TAOK3: variants seen among roughly 807,000 people sequenced by gnomAD.
TAOK3 encodes serine/threonine-protein kinase TAO3.
In TAOK3, 40 loss-of-function variants were observed where a neutral mutation model predicts 120.4. That is an observed-to-expected ratio of 0.33 (90% CI 0.26 to 0.43). The LOEUF (loss-of-function observed/expected upper bound fraction) is 0.43, where lower values mean the gene tolerates loss of function less well. TAOK3 is among the 20% of genes least tolerant of loss of function. The probability of loss-of-function intolerance (pLI) is 1.00; values close to 1 mark genes in which losing one functional copy is unlikely to be tolerated. For missense variants in TAOK3, 821 were observed against 1,112.1 expected, an observed-to-expected ratio of 0.74 and a Z score of 3.72; for synonymous variants, 355 against 387.5, an observed-to-expected ratio of 0.92 and a Z score of 0.99.
At chr12:118,241,547 A>G (rs1002554104) in intron 5 of TAOK3, among the ~76,000 whole-genome samples, 1 of 152,174 alleles carries the variant, frequency 6.6e-6, no homozygotes, top group Non-Finnish European at 1.5e-5. Flanking sequence ...TTTGTCACAA[A>G]TATTTTTTCC....
chr12:118,181,706 C>T (rs1030348490), intron 14 of TAOK3, 99 bp from the exon 15 acceptor site: 5 of 972,690 alleles, frequency 5.1e-6, no homozygotes, highest in Admixed American at 3.7e-5. Flanking sequence ...TTATCCATCA[C>T]CTTCACCATC....
rs1199940088 is a variant in TAOK3 at position 118,231,705 on chromosome 12, T to C, written c.643+1969A>G. Among the ~76,000 whole-genome samples the C allele has an allele frequency of 3.9e-5, 6 of 152,034 alleles. No individual in the cohort carries two copies. In the East Asian group the frequency reaches 1.2e-3, roughly 29 times the overall value. ...TTGGGAGGCCGAGGCGGGTGGATCA[T>C]CTGAAGTCAGGAGTTCAAGACCAGC... On this transcript the variant is annotated intron_variant, in intron 9 of 20. Transcript: ENST00000392533.
At chr12:118,172,272 G>A (rs2036039314) in intron 17 of TAOK3, among the ~76,000 whole-genome samples, 185 bp downstream of exon 17, 1 of 152,110 alleles carries the variant, frequency 6.6e-6, no homozygotes, top group Non-Finnish European at 1.5e-5. Context: ...CTGTGAGTGG[G>A]CTTCCTCTTA....
intron 1 of TAOK3, among the ~76,000 whole-genome samples, chr12:118,349,199 C>A (rs1344936908): frequency 6.6e-6 from 1 of 152,076 alleles, no homozygotes; most frequent in African/African-American, 2.4e-5. Flanking sequence ...TGATTCAAAT[C>A]ATTTCAAAGC....
Position 118,255,532 on chromosome 12 carries a change from G to T in TAOK3, c.36C>A (p.Ala12=), listed in dbSNP as rs778618133. 6.2e-7 allele frequency: 1 copy of T among 1,613,846 alleles called. No homozygotes were observed. The highest frequency in any genetic ancestry group is 8.5e-7 in the Non-Finnish European group (1 of 1,179,938). ...CAGGATCATCTTTGTAGAATAGATC[G>T]GCAATCTCTGGGTCCTTCAGCACCC... ...RKGVLKDPEI[A]DLFYKDDPEE... The change falls in exon 3 of 21, where the codon GCC becomes GCA. Residue 12 remains alanine (A), a synonymous_variant. Transcript: ENST00000392533.
Position 118,244,981 on chromosome 12 carries a change from A to G in TAOK3, c.121-16T>C. 2 of 1,556,396 alleles carry G rather than the reference A, an allele frequency of 1.3e-6. No individual in the cohort carries two copies. The highest frequency in any genetic ancestry group is 1.1e-5 in the South Asian group (1 of 87,780). ...CATTTGTAGCCTGTGTTAAGAGGGT[A>G]GAAGAAAAAGAAAAAGAATTAGTGA... On this transcript the variant is annotated splice_polypyrimidine_tract_variant and intron_variant, in intron 3 of 20. Coordinates refer to ENST00000392533, the MANE Select transcript of TAOK3 (RefSeq NM_016281.4).
intron 1 of TAOK3, among the ~76,000 whole-genome samples, chr12:118,333,520 C>T (rs558432338): frequency 6.6e-6 from 1 of 152,064 alleles, no homozygotes; most frequent in African/African-American, 2.4e-5. Flanking sequence ...TAAATGCTTA[C>T]ATTAGGAGAG....
intron 1 of TAOK3, among the ~76,000 whole-genome samples, chr12:118,358,179 A>T (rs1481864065): frequency 6.6e-6 from 1 of 152,226 alleles, no homozygotes; most frequent in Non-Finnish European, 1.5e-5. Flanking sequence ...TCAAAAAAAA[A>T]GTATCTGTTT....
Position 118,161,859 on chromosome 12 carries a change from T to C in TAOK3, c.2068A>G (p.Asn690Asp). The stretch of plus-strand genomic sequence containing the variant: ...TGCAGTTCTCTTTCTCGCCTCTTAT[T>C]GTACTCCAGCTGGTTTTCCAGTTCC... ...QTELENQLEY[N>D]KRRERELHRK... is the part of the protein sequence containing the mutation. Residue 690 changes from asparagine (N) to aspartate (D), a missense_variant, in exon 18 of 21, where the codon AAT becomes GAT. Coordinates refer to ENST00000392533, the MANE Select transcript of TAOK3 (RefSeq NM_016281.4). The surrounding 1 kb of genome is among the most constrained non-coding windows in gnomAD (Gnocchi z 4.5). The C allele has an allele frequency of 6.2e-7, 1 of 1,614,182 alleles. No homozygotes were observed. The highest frequency in any genetic ancestry group is 8.5e-7 in the Non-Finnish European group (1 of 1,180,034).
chr12:118,353,538 C>A (rs2045265536), intron 1 of TAOK3, among the ~76,000 whole-genome samples: 1 of 151,998 alleles, frequency 6.6e-6, no homozygotes, highest in African/African-American at 2.4e-5. Context: ...CAGGGAACCA[C>A]TGAAGCTCTC....
chr12:118,227,733 C>T (rs549182234), intron 9 of TAOK3, among the ~76,000 whole-genome samples: 77 of 152,276 alleles, frequency 5.1e-4, no homozygotes, highest in Non-Finnish European at 9.0e-4. Flanking sequence ...TCATCTGCAT[C>T]CCAGACTATG....
intron 20 of TAOK3, 56 bp from the exon 21 acceptor site, chr12:118,151,214 G>T (rs541391200): frequency 2.5e-6 from 4 of 1,586,034 alleles, no homozygotes; most frequent in South Asian, 1.1e-5. Context: ...AGGCACCCAC[G>T]TGCACGCGAT....
chr12:118,238,190 A>C, intron 6 of TAOK3, 21 bp from the exon 7 acceptor site: 1 of 1,450,032 alleles, frequency 6.9e-7, no homozygotes. Flanking sequence ...AAAAAAAAAA[A>C]AGTCAGTAGA....
chr12:118,174,058 G>A (rs923321271), intron 16 of TAOK3, among the ~76,000 whole-genome samples: 82 of 152,266 alleles, frequency 5.4e-4, no homozygotes, highest in Non-Finnish European at 7.6e-4. Flanking sequence ...TCTTCATGCC[G>A]TGATGTCACT....
intron 11 of TAOK3, among the ~76,000 whole-genome samples, chr12:118,202,862 C>T (rs1241760255): frequency 2.7e-5 from 4 of 149,294 alleles, no homozygotes; most frequent in African/African-American, 7.4e-5. Context: ...TCACTGCAAC[C>T]TCCACCTCCT....
rs766900224 is a variant in TAOK3, at chr12:118,244,898, T to A, written c.188A>T (p.His63Leu). 3.6e-5 allele frequency: 57 copies of A among 1,603,672 alleles called. No homozygotes were observed. In the Admixed American group the frequency reaches 9.2e-4, roughly 26 times the overall value. ...KKMSYSGKQTHEKWQDILKEV... is the reference protein window; with the variant it reads ...KKMSYSGKQTLEKWQDILKEV... ...ATACAACTGTCTCTATCTCACCTCA[T>A]GGGTCTGCTTCCCACTATAGGACAT... Residue 63 changes from histidine to leucine, a missense_variant, in exon 4 of 21, where the codon CAT becomes CTT. By Grantham distance (99) the His-to-Leu change is moderately conservative (BLOSUM62 -3). Transcript: ENST00000392533.
chr12:118,245,067 T>G, intron 3 of TAOK3, 102 bp from the exon 4 acceptor site: 1 of 713,636 alleles, frequency 1.4e-6, no homozygotes. Flanking sequence ...TATTTATTTA[T>G]TGACAGTCTC....
chr12:118,213,453 T>C (rs1284286268), intron 10 of TAOK3, among the ~76,000 whole-genome samples: 1 of 152,106 alleles, frequency 6.6e-6, no homozygotes, highest in African/African-American at 2.4e-5. Flanking sequence ...CAAAAATTCT[T>C]CCTATCTTAA....
At chr12:118,369,753 T>C (rs1473464649) in intron 1 of TAOK3, among the ~76,000 whole-genome samples, 1 of 150,526 alleles carries the variant, frequency 6.6e-6, no homozygotes, top group Non-Finnish European at 1.5e-5. Context: ...ATAAATTTAA[T>C]GTAAAAAAAA....
Sources: allele counts gnomAD v4.1 joint callset (sites outside exome capture counted in the v4.1 genomes callset), GRCh38; gene constraint gnomAD v4.1.1; non-coding constraint Gnocchi (gnomAD v3.1); transcripts MANE v1.5; gene names NCBI Gene and HGNC (gene_info 2026-07-23, HGNC 2026-07-21).